The following MSRA variants were observed in gnomAD, a reference collection of about 807,000 sequenced individuals.
MSRA encodes the protein mitochondrial peptide methionine sulfoxide reductase.
Under a neutral mutation model 31.3 loss-of-function variants are expected in MSRA, and 54 were observed. The ratio of observed to expected loss-of-function variants is 1.73; its 90% confidence interval spans 1.39 to 2.17. The LOEUF is 2.17. Ranked by LOEUF, MSRA falls within the 30% of genes most tolerant of loss-of-function variation. The pLI, the probability that MSRA is intolerant of heterozygous loss-of-function variation, is 0.00. For synonymous variants in MSRA, 169 were observed against 116.5 expected, an observed-to-expected ratio of 1.45 and a Z score of -2.90; for missense variants, 507 against 300.9, an observed-to-expected ratio of 1.69 and a Z score of -5.07.
At chr8:10,157,058 G>A (rs538721473) in intron 1 of MSRA, among the ~76,000 whole-genome samples, 12 of 151,834 alleles carry the variant, frequency 7.9e-5, no homozygotes, top group South Asian at 6.3e-4. Flanking sequence ...TTGCAAGGCC[G>A]CGTGGTGAAT....
At chr8:10,228,911 A>C (rs1327182850) in intron 2 of MSRA, among the ~76,000 whole-genome samples, 1 of 152,196 alleles carries the variant, frequency 6.6e-6, no homozygotes, top group East Asian at 1.9e-4. Flanking sequence ...GTTTCCTAGA[A>C]AACGATACTC....
At position 10,247,772 on chromosome 8, in the gene MSRA, G is replaced by A. The variant is rs73662808; in HGVS notation, c.331+2549G>A. Among the ~76,000 whole-genome samples, 590 of 152,218 alleles carry A rather than the reference G, an allele frequency of 3.9e-3. 7 individuals are homozygous for A. Among genetic ancestry groups the A allele is most frequent in the African/African-American group, 0.013 (533 of 41,522 alleles). On this transcript the variant is annotated intron_variant, in intron 3 of 5. Transcript: ENST00000317173. ...AAGGAGAGACGATTTCTTTCCCTAG[G>A]CTTTTTTGTTGTTGTTGTTCTGATC...
chr8:10,411,689 C>T (rs571482964), intron 5 of MSRA: 22 of 152,334 alleles, frequency 1.4e-4, no homozygotes, highest in African/African-American at 5.0e-4. Context: ...GAAATGAGCA[C>T]AACCTTTATT....
At chr8:10,383,626 G>T (rs1479265261) in intron 5 of MSRA, among the ~76,000 whole-genome samples, 1 of 152,066 alleles carries the variant, frequency 6.6e-6, no homozygotes. Flanking sequence ...TAGACACCTT[G>T]AAGTGAAAAG....
At chr8:10,102,730 A>G (rs1221622315) in intron 1 of MSRA, among the ~76,000 whole-genome samples, 3 of 152,212 alleles carry the variant, frequency 2.0e-5, no homozygotes, top group Admixed American at 1.3e-4. Flanking sequence ...CTGTGTTAAC[A>G]AACCTTCTCT....
chr8:10,084,315 C>T (rs1798443444), intron 1 of MSRA, among the ~76,000 whole-genome samples: 1 of 152,272 alleles, frequency 6.6e-6, no homozygotes, highest in African/African-American at 2.4e-5. Flanking sequence ...GGGCCCAGCT[C>T]CTGCTTTGCG....
At chr8:10,415,381 A>G (rs1268604218) in intron 5 of MSRA, among the ~76,000 whole-genome samples, 2 of 152,204 alleles carry the variant, frequency 1.3e-5, no homozygotes. Context: ...GCTCAGCCTT[A>G]CAGACCTTGC....
intron 1 of MSRA, among the ~76,000 whole-genome samples, chr8:10,152,225 G>A (rs867500271): frequency 1.3e-5 from 2 of 152,162 alleles, no homozygotes; most frequent in African/African-American, 4.8e-5. Flanking sequence ...GCAAATATAT[G>A]TATATGTGTG....
chr8:10,220,288 C>T (rs910267788), intron 2 of MSRA, among the ~76,000 whole-genome samples: 4 of 152,200 alleles, frequency 2.6e-5, no homozygotes, highest in Admixed American at 6.5e-5. Context: ...ACAGTGGTGC[C>T]TGCAGATGGA....
chr8:10,278,450 G>A (rs1799441539), intron 3 of MSRA, among the ~76,000 whole-genome samples: 2 of 152,174 alleles, frequency 1.3e-5, no homozygotes, highest in African/African-American at 2.4e-5. Context: ...CTTTCCTCAC[G>A]TGGCAATTCA....
rs117832032 is a variant in MSRA, at chr8:10,310,513, T to C, written c.436+8875T>C. 3.1e-3 allele frequency among the ~76,000 whole-genome samples: 477 copies of C among 152,358 alleles called. 14 individuals carry two copies. The East Asian group carries it at 0.08, about 26-fold the overall frequency. The stretch of plus-strand genomic sequence containing the variant: ...ATTTAACATTTTTCCTTTGCCTTTC[T>C]AGTGTTACAAGGGTTTGGTGTCTGC... On this transcript the variant is annotated intron_variant, in intron 4 of 5. Coordinates refer to ENST00000317173, the MANE Select transcript of MSRA (RefSeq NM_012331.5).
At chr8:10,382,422 C>T (rs967045647) in intron 5 of MSRA, among the ~76,000 whole-genome samples, 11 of 152,218 alleles carry the variant, frequency 7.2e-5, no homozygotes, top group African/African-American at 2.4e-4. Context: ...CCTTGTACTG[C>T]ATTTGGTGGA....
chr8:10,315,828 G>A (rs1430707475), intron 4 of MSRA, among the ~76,000 whole-genome samples: 1 of 152,114 alleles, frequency 6.6e-6, no homozygotes, highest in East Asian at 1.9e-4. Context: ...AAACAGACAT[G>A]GAGTCCCAAA....
intron 5 of MSRA, among the ~76,000 whole-genome samples, chr8:10,326,309 A>T (rs1802359452): frequency 6.6e-6 from 1 of 152,196 alleles, no homozygotes; most frequent in South Asian, 2.1e-4. Flanking sequence ...CCAATTGTTG[A>T]GCTAATTAGA....
chr8:10,176,766 G>A (rs1458441852), intron 1 of MSRA, among the ~76,000 whole-genome samples: 1 of 152,176 alleles, frequency 6.6e-6, no homozygotes, highest in East Asian at 1.9e-4. Context: ...TGGAATGGGG[G>A]CTCAGAGCAG....
chr8:10,130,630 C>G (rs774442305), intron 1 of MSRA, among the ~76,000 whole-genome samples: 1 of 152,082 alleles, frequency 6.6e-6, no homozygotes, highest in African/African-American at 2.4e-5. Flanking sequence ...ACACAGAGAC[C>G]GCACATACAA....
rs766665992 is a variant in MSRA, at chr8:10,202,458, A to G, written c.143-5375A>G. On this transcript the variant is annotated intron_variant, in intron 1 of 5. Transcript: ENST00000317173. ...TCACAGTGTAGAAATGAGAAGGAAA[A>G]TGACTTCTTCCCCTGTGCCATCTTT... Among the ~76,000 whole-genome samples the G allele has an allele frequency of 3.9e-5, 6 of 152,230 alleles. No homozygotes were observed. The South Asian group carries it at 8.3e-4, about 21-fold the overall frequency.
intron 3 of MSRA, among the ~76,000 whole-genome samples, chr8:10,295,789 G>A (rs1023350412): frequency 2.6e-5 from 4 of 152,048 alleles, no homozygotes; most frequent in African/African-American, 7.2e-5. Context: ...GCTCAGCCCC[G>A]GTGCCTCTGC....
chr8:10,391,221 A>G (rs144328097), intron 5 of MSRA, among the ~76,000 whole-genome samples: 20 of 152,300 alleles, frequency 1.3e-4, no homozygotes, highest in African/African-American at 3.8e-4. Context: ...CACACACCCC[A>G]AGTGAACCTA....
Sources: allele counts gnomAD v4.1 joint callset (sites outside exome capture counted in the v4.1 genomes callset), GRCh38; gene constraint gnomAD v4.1.1; transcripts MANE v1.5; gene names NCBI Gene and HGNC (gene_info 2026-07-23, HGNC 2026-07-21).